The following RAB40B variants were observed in gnomAD, a reference collection of about 807,000 sequenced individuals.
RAB40B encodes the protein RAB40B, member RAS oncogene family.
In RAB40B, 21 loss-of-function variants were observed where a neutral mutation model predicts 24.0. That is an observed-to-expected ratio of 0.88 (90% CI 0.62 to 1.26). RAB40B has a LOEUF of 1.26. Ranked by LOEUF, RAB40B falls within the 50% of genes most tolerant of loss-of-function variation. The probability of loss-of-function intolerance (pLI) is 0.00; values close to 1 mark genes in which losing one functional copy is unlikely to be tolerated. For missense variants in RAB40B, 348 were observed against 390.5 expected (o/e 0.89, Z 0.92); for synonymous variants, 167 against 169.8 (o/e 0.98, Z 0.13).
At chr17:82,694,766 G>A (rs887451119) in intron 1 of RAB40B, among the ~76,000 whole-genome samples, 1 of 151,654 alleles carries the variant, frequency 6.6e-6, no homozygotes, top group Non-Finnish European at 1.5e-5. Flanking sequence ...GTGAGCCAGG[G>A]GATGGTGGAA....
rs569988975 is a variant in RAB40B at position 82,656,080 on chromosome 17, C to G, written c.*1783G>C. 1.3e-5 allele frequency: 2 copies of G among 151,918 alleles called. No individual in the cohort carries two copies. The highest frequency in any genetic ancestry group is 2.1e-4 in the South Asian group (1 of 4,810). 9.4% of individuals were successfully genotyped at this position (151,918 alleles called of 1,614,324 possible). ...TCTCCTGCTTCAGCCTCCTGAGTAG[C>G]TGGGATTACAGGTGTGCGCTGCCAT... On this transcript the variant is annotated 3_prime_UTR_variant, in exon 6 of 6. Coordinates refer to ENST00000571995, the MANE Select transcript of RAB40B (RefSeq NM_006822.3).
chr17:82,667,244 T>G lies in RAB40B; in HGVS notation c.143-2688A>C, dbSNP rs2046269362. On this transcript the variant is annotated intron_variant, in intron 1 of 5. Coordinates refer to ENST00000571995, the MANE Select transcript of RAB40B (RefSeq NM_006822.3). The surrounding 1 kb of genome is among the most constrained non-coding windows in gnomAD (Gnocchi z 4.3). ...CATCCCAGGAGGCAGTGTGCCGAGT[T>G]CCTGGTCTCCTGTCGGGCAGAGCGA... Among the ~76,000 whole-genome samples the G allele has an allele frequency of 6.6e-6, 1 of 152,230 alleles. No homozygotes were observed. The highest frequency in any genetic ancestry group is 2.4e-5 in the African/African-American group (1 of 41,458).
rs1230562926 is a variant in RAB40B, at chr17:82,663,739, G to T, written c.203+757C>A. 1.3e-5 allele frequency among the ~76,000 whole-genome samples: 2 copies of T among 152,058 alleles called. No individual in the cohort carries two copies. Among genetic ancestry groups the T allele is most frequent in the Non-Finnish European group, 2.9e-5 (2 of 67,978 alleles). Reference sequence around the variant, plus strand: ...GTGCTCAGTGGCATCACTGAGCCAGGCGTGGGGGACCCAGGAGCCCCGGGC... The same window carrying T: ...GTGCTCAGTGGCATCACTGAGCCAGTCGTGGGGGACCCAGGAGCCCCGGGC... On this transcript the variant is annotated intron_variant, in intron 2 of 5. Coordinates refer to ENST00000571995, the MANE Select transcript of RAB40B (RefSeq NM_006822.3). The surrounding 1 kb of genome is among the most constrained non-coding windows in gnomAD (Gnocchi z 6.2).
At chr17:82,698,403 C>A in intron 1 of RAB40B, 52 bp downstream of exon 1, 1 of 1,125,096 alleles carries the variant, frequency 8.9e-7, no homozygotes, top group Non-Finnish European at 1.1e-6. Flanking sequence ...CAGCCCCGCG[C>A]CCCTCCCCGG....
At chr17:82,665,788 A>C (rs55997823) in intron 1 of RAB40B, among the ~76,000 whole-genome samples, 4 of 151,294 alleles carry the variant, frequency 2.6e-5, no homozygotes, top group African/African-American at 9.7e-5. Flanking sequence ...AATTGCTTGA[A>C]CCCGGGAGGC....
intron 1 of RAB40B, among the ~76,000 whole-genome samples, chr17:82,683,553 C>T (rs577987518): frequency 3.9e-5 from 6 of 152,192 alleles, no homozygotes; most frequent in South Asian, 2.1e-4. Context: ...TTTGGGAGGC[C>T]GAGGTAGGAT....
intron 1 of RAB40B, among the ~76,000 whole-genome samples, chr17:82,680,960 G>A (rs1211995172): frequency 1.4e-5 from 2 of 142,844 alleles, no homozygotes; most frequent in East Asian, 4.1e-4. Context: ...AACCCGGGAG[G>A]CAGTGAGCTG....
At chr17:82,671,514 C>A (rs1397408234) in intron 1 of RAB40B, among the ~76,000 whole-genome samples, 46 of 132,214 alleles carry the variant, frequency 3.5e-4, no homozygotes, top group South Asian at 5.6e-4. Flanking sequence ...ACACACCCCA[C>A]CCCTGTAACT....
intron 1 of RAB40B, among the ~76,000 whole-genome samples, chr17:82,686,079 G>A (rs933670318): frequency 6.0e-5 from 9 of 150,482 alleles, no homozygotes; most frequent in Non-Finnish European, 1.3e-4. Context: ...TGGGATTACA[G>A]GCGTGAGCCA....
rs1162854259 is a variant in RAB40B, at chr17:82,675,787, C to T, written c.143-11231G>A. Among the ~76,000 whole-genome samples, 1 of 152,180 alleles carries T rather than the reference C, an allele frequency of 6.6e-6. No individual in the cohort carries two copies. The highest frequency in any genetic ancestry group is 2.4e-5 in the African/African-American group (1 of 41,426). ...CTTCCAATAGCCCCATCTTCTAACA[C>T]CATCACCTTGGGGTTAGGTTTCAGC... On this transcript the variant is annotated intron_variant, in intron 1 of 5. Transcript: ENST00000571995. The surrounding 1 kb of genome is among the most constrained non-coding windows in gnomAD (Gnocchi z 4.5).
At chr17:82,684,492 A>G (rs912146204) in intron 1 of RAB40B, among the ~76,000 whole-genome samples, 1 of 152,206 alleles carries the variant, frequency 6.6e-6, no homozygotes, top group Non-Finnish European at 1.5e-5. Flanking sequence ...AAACATGCAC[A>G]GTGGCTTTTT....
intron 1 of RAB40B, among the ~76,000 whole-genome samples, chr17:82,686,106 T>TC (rs1555659349): frequency 2.6e-5 from 1 of 37,762 alleles, no homozygotes; most frequent in Non-Finnish European, 6.2e-5. Flanking sequence ...CCAGCCTTCT[T>TC]TTTTTTTTTT....
rs1189714831 is a variant in RAB40B, at chr17:82,657,667, A to C, written c.*196T>G. ...CCCTTTACAAACACACATCGAAAAC[A>C]AGAGCTTCATGCACATCCACGTAGA... is the stretch of plus-strand genomic sequence containing the variant. On this transcript the variant is annotated 3_prime_UTR_variant, in exon 6 of 6. Coordinates refer to ENST00000571995, the MANE Select transcript of RAB40B (RefSeq NM_006822.3). The C allele has an allele frequency of 2.7e-6, 2 of 728,068 alleles. No individual in the cohort carries two copies. Among genetic ancestry groups the C allele is most frequent in the African/African-American group, 3.4e-5 (2 of 57,980 alleles). 45.1% of individuals were successfully genotyped at this position (728,068 alleles called of 1,614,324 possible).
intron 1 of RAB40B, among the ~76,000 whole-genome samples, chr17:82,676,971 C>T (rs990703643): frequency 7.7e-5 from 11 of 142,752 alleles, no homozygotes; most frequent in South Asian, 2.2e-4. Context: ...TTTTCTGAGA[C>T]GGAGTCTCAC....
In RAB40B at chr17:82,697,135, C is replaced by A. The variant is rs369957603; in HGVS notation, c.142+1320G>T. Among the ~76,000 whole-genome samples the A allele has an allele frequency of 2.0e-5, 3 of 152,078 alleles. No individual in the cohort carries two copies. The highest frequency in any genetic ancestry group is 7.2e-5 in the African/African-American group (3 of 41,408). ...TCTGGGTGCTGGTCGTGAGCCCAAG[C>A]CCATCTCAGCTGCTCCCCCAAACTC... On this transcript the variant is annotated intron_variant, in intron 1 of 5. Coordinates refer to ENST00000571995, the MANE Select transcript of RAB40B (RefSeq NM_006822.3). The surrounding 1 kb of genome is among the most constrained non-coding windows in gnomAD (Gnocchi z 4.9).
In RAB40B at chr17:82,657,907, T is replaced by TC. The variant is rs2046104111; in HGVS notation, c.792dup (p.Ser265GlufsTer99). 1 of 731,104 alleles carries TC rather than the reference T, an allele frequency of 1.4e-6. No homozygotes were observed. The highest frequency in any genetic ancestry group is 2.1e-6 in the Non-Finnish European group (1 of 477,834). 45.3% of individuals were successfully genotyped at this position (731,104 alleles called of 1,614,324 possible). A position where few individuals can be genotyped will look rare whatever the true frequency, so the allele number is the denominator to read the frequency against. On this transcript the variant is annotated frameshift_variant, in exon 6 of 6. Coordinates refer to ENST00000571995, the MANE Select transcript of RAB40B (RefSeq NM_006822.3). LOFTEE classifies it low-confidence loss of function (END_TRUNC). The stretch of plus-strand genomic sequence containing the variant: ...TTTCTGGTGCAGTTTTTGGGGGGGC[T>TC]CTGGGGGGGGCGGACGAGCTTCACT...
chr17:82,678,686 A>G (rs2046418710), intron 1 of RAB40B, among the ~76,000 whole-genome samples: 1 of 152,104 alleles, frequency 6.6e-6, no homozygotes. Flanking sequence ...GAAAGCCAAA[A>G]AGCAGACTGG....
At position 82,697,414 on chromosome 17, in the gene RAB40B, C is replaced by T. The variant is rs1204491596; in HGVS notation, c.142+1041G>A. Among the ~76,000 whole-genome samples, 3 of 152,192 alleles carry T rather than the reference C, an allele frequency of 2.0e-5. No individual in the cohort carries two copies. The highest frequency in any genetic ancestry group is 6.5e-5 in the Admixed American group (1 of 15,284). ...GACCTGGGGCTTCCCAGACCCTTCCCAGGCCCCAGAGCTGACAGGTCCTTC... is the reference window on the plus strand; with the variant it reads ...GACCTGGGGCTTCCCAGACCCTTCCTAGGCCCCAGAGCTGACAGGTCCTTC... On this transcript the variant is annotated intron_variant, in intron 1 of 5. Coordinates refer to ENST00000571995, the MANE Select transcript of RAB40B (RefSeq NM_006822.3). This position sits in a 1 kb window ranked among gnomAD's most constrained non-coding sequence, Gnocchi z 4.9.
In RAB40B at chr17:82,655,971, A is replaced by C. The variant is rs1238088244; in HGVS notation, c.*1892T>G. 9.5e-6 allele frequency: 1 copy of C among 105,000 alleles called. No homozygotes were observed. The highest frequency in any genetic ancestry group is 3.4e-5 in the African/African-American group (1 of 29,704). The allele number at this position is 105,000 out of a possible 1,614,324, so 6.5% of individuals were successfully genotyped here. On this transcript the variant is annotated 3_prime_UTR_variant, in exon 6 of 6. Coordinates refer to ENST00000571995, the MANE Select transcript of RAB40B (RefSeq NM_006822.3). ...ATTTCTTTTTTTTTTTTTTTTTTAG[A>C]TGGAGTTTCACTTGTCGCCCAGGCT...
Sources: allele counts gnomAD v4.1 joint callset (sites outside exome capture counted in the v4.1 genomes callset), GRCh38; gene constraint gnomAD v4.1.1; non-coding constraint Gnocchi (gnomAD v3.1); transcripts MANE v1.5; gene names NCBI Gene and HGNC (gene_info 2026-07-23, HGNC 2026-07-21).